The following EEIG2 variants were observed in gnomAD, a reference collection of about 807,000 sequenced individuals.
EEIG2 encodes family with sequence similarity 102 member B.
At chr1:108,608,707 C>T in the EEIG2 span, among the ~76,000 whole-genome samples, 1 of 152,344 alleles carries the variant, frequency 6.6e-6, no homozygotes, top group East Asian at 1.9e-4. Flanking sequence ...ATCACATTGA[C>T]ATGCCCCACC....
the EEIG2 span, among the ~76,000 whole-genome samples, chr1:108,614,205 T>TAAAAA: frequency 2.3e-4 from 23 of 101,212 alleles, no homozygotes; most frequent in Admixed American, 5.8e-4. Context: ...ACCCCATCTC[T>TAAAAA]AAAAAAAAAA....
At chr1:108,621,878 C>T in the EEIG2 span, among the ~76,000 whole-genome samples, 8 of 151,866 alleles carry the variant, frequency 5.3e-5, no homozygotes, top group Non-Finnish European at 8.8e-5. Context: ...AAATACAGCC[C>T]GAGCGTGGTG....
At chr1:108,603,640 A>G in the EEIG2 span, among the ~76,000 whole-genome samples, 1 of 152,230 alleles carries the variant, frequency 6.6e-6, no homozygotes, top group Admixed American at 6.5e-5. Flanking sequence ...TACATGACCA[A>G]AAATCAAAAG....
At chr1:108,585,830 G>A in the EEIG2 span, among the ~76,000 whole-genome samples, 1 of 151,982 alleles carries the variant, frequency 6.6e-6, no homozygotes, top group Non-Finnish European at 1.5e-5. Flanking sequence ...TCATACCCTG[G>A]CCATGTCGTT....
chr1:108,629,567 C>A, the EEIG2 span: 61 of 1,547,966 alleles, frequency 3.9e-5, no homozygotes, highest in Non-Finnish European at 5.0e-5. Flanking sequence ...ATGTAACAAA[C>A]ATTTTAAATG....
At chr1:108,624,845 G>A in the EEIG2 span, 48 of 879,126 alleles carry the variant, frequency 5.5e-5, no homozygotes, top group Non-Finnish European at 8.3e-5. Flanking sequence ...ACTTGAAACA[G>A]GCCAATAAGA....
At chr1:108,610,486 G>A in the EEIG2 span, among the ~76,000 whole-genome samples, 43 of 152,290 alleles carry the variant, frequency 2.8e-4, no homozygotes, top group Non-Finnish European at 5.6e-4. Flanking sequence ...AAGCGATGTT[G>A]GAGGGTCAAC....
the EEIG2 span, chr1:108,627,736 T>C: frequency 1.2e-5 from 2 of 164,004 alleles, no homozygotes; most frequent in African/African-American, 4.8e-5. Context: ...GTGATGGATT[T>C]TTAAGGAAGC....
the EEIG2 span, chr1:108,636,874 A>C: frequency 2.0e-5 from 3 of 152,210 alleles, no homozygotes; most frequent in Admixed American, 1.3e-4. Context: ...GATATTATTT[A>C]GAGAGATATT....
the EEIG2 span, among the ~76,000 whole-genome samples, chr1:108,572,167 A>G: frequency 1.3e-5 from 2 of 152,110 alleles, no homozygotes; most frequent in Non-Finnish European, 2.9e-5. Flanking sequence ...AAAATTACCT[A>G]TTTCTTGAAA....
chr1:108,579,984 C>A, the EEIG2 span, among the ~76,000 whole-genome samples: 914 of 152,074 alleles, frequency 6.0e-3, 13 homozygotes, highest in African/African-American at 0.021. Context: ...GGGCTGGTCT[C>A]GAGCACTTGG....
chr1:108,588,274 G>A, the EEIG2 span, among the ~76,000 whole-genome samples: 2 of 152,018 alleles, frequency 1.3e-5, no homozygotes, highest in Non-Finnish European at 2.9e-5. Flanking sequence ...TTTATTTTTT[G>A]AGGAATATCC....
chr1:108,578,419 T>G, the EEIG2 span, among the ~76,000 whole-genome samples: 1,026 of 112,200 alleles, frequency 9.1e-3, 7 homozygotes, highest in Non-Finnish European at 0.014. Flanking sequence ...CCATTCAGTA[T>G]GATATTGGCT....
the EEIG2 span, chr1:108,616,362 A>G: frequency 6.5e-7 from 1 of 1,540,978 alleles, no homozygotes; most frequent in East Asian, 2.3e-5. Flanking sequence ...TAATCGTGAT[A>G]TTTCTTGTTT....
chr1:108,599,028 G>GGTA, the EEIG2 span, among the ~76,000 whole-genome samples: 1 of 152,040 alleles, frequency 6.6e-6, no homozygotes. Context: ...GGTTGAGTGT[G>GGTA]GTAGTGTATG....
chr1:108,593,702 C>T, the EEIG2 span, among the ~76,000 whole-genome samples: 1 of 152,174 alleles, frequency 6.6e-6, no homozygotes, highest in Non-Finnish European at 1.5e-5. Flanking sequence ...GACCTAAAGC[C>T]TTATCTAGAG....
At chr1:108,565,101 G>T in the EEIG2 span, among the ~76,000 whole-genome samples, 2 of 152,162 alleles carry the variant, frequency 1.3e-5, no homozygotes, top group African/African-American at 2.4e-5. Flanking sequence ...AGGGTAAATT[G>T]TCAGATTTTT....
chr1:108,570,006 C>G, the EEIG2 span, among the ~76,000 whole-genome samples: 1 of 152,304 alleles, frequency 6.6e-6, no homozygotes, highest in East Asian at 1.9e-4. Flanking sequence ...TCAATTCTTA[C>G]AGTTCTTGTT....
the EEIG2 span, among the ~76,000 whole-genome samples, chr1:108,598,691 G>A: frequency 6.6e-6 from 1 of 152,134 alleles, no homozygotes; most frequent in Non-Finnish European, 1.5e-5. Flanking sequence ...TAGAATGCAT[G>A]CCCTCCTCTC....
Sources: allele counts gnomAD v4.1 joint callset (sites outside exome capture counted in the v4.1 genomes callset), GRCh38; gene constraint gnomAD v4.1.1; transcripts MANE v1.5; gene names NCBI Gene and HGNC (gene_info 2026-07-23, HGNC 2026-07-21).